Variants in ELAVL2 observed in about 807,000 individuals in gnomAD.
The protein encoded by ELAVL2 is ELAV-like protein 2.
In ELAVL2, 4 loss-of-function variants were observed where a neutral mutation model predicts 34.6. That is an observed-to-expected ratio of 0.12 (90% CI 0.06 to 0.26). The LOEUF is 0.26. Ranked by LOEUF, ELAVL2 falls within the 10% of genes least tolerant of loss-of-function variation. The pLI, the probability that ELAVL2 is intolerant of heterozygous loss-of-function variation, is 1.00. For missense variants in ELAVL2, 432 were observed against 442.8 expected (o/e 0.98, Z 0.22); for synonymous variants, 193 against 154.8 (o/e 1.25, Z -1.83).
At chr9:23,824,731 T>C (rs2065181460) in intron 1 of ELAVL2, among the ~76,000 whole-genome samples, 1 of 152,200 alleles carries the variant, frequency 6.6e-6, no homozygotes, top group Non-Finnish European at 1.5e-5. Flanking sequence ...TGATTTCTCC[T>C]AAACCCTGAG....
At position 23,701,614 on chromosome 9, in the gene ELAVL2, A is replaced by T. The variant is rs759659905; in HGVS notation, c.488-10T>A. 4 of 1,611,112 alleles carry T rather than the reference A, an allele frequency of 2.5e-6. No individual in the cohort carries two copies. In the South Asian group the frequency reaches 3.3e-5, roughly 13 times the overall value. On this transcript the variant is annotated splice_polypyrimidine_tract_variant and intron_variant, in intron 4 of 6. Coordinates refer to ENST00000397312, the MANE Select transcript of ELAVL2 (RefSeq NM_004432.5). ...ACACCCCTTGATATGCCTATGGTAG[A>T]TTTGAGTAAAGATTTGGAAAAGAGG...
intron 1 of ELAVL2, among the ~76,000 whole-genome samples, chr9:23,773,844 T>C (rs578107851): frequency 6.6e-6 from 1 of 152,194 alleles, no homozygotes; most frequent in Admixed American, 6.5e-5. Flanking sequence ...AACTCTAAGG[T>C]GCCAAGTGAA....
At chr9:23,720,259 G>A (rs746485288) in intron 3 of ELAVL2, among the ~76,000 whole-genome samples, 9 of 150,608 alleles carry the variant, frequency 6.0e-5, no homozygotes, top group Non-Finnish European at 7.4e-5. Context: ...AGCAACCTCC[G>A]CCTCCCAAGT....
chr9:23,759,673 A>C (rs1229033800), intron 2 of ELAVL2, among the ~76,000 whole-genome samples: 1 of 148,268 alleles, frequency 6.7e-6, no homozygotes, highest in Non-Finnish European at 1.5e-5. Flanking sequence ...AATTTGTTCA[A>C]TTATGTGTTA....
In ELAVL2 at chr9:23,693,706, T is replaced by C. The variant is rs199720157; in HGVS notation, c.714-220A>G. The stretch of plus-strand genomic sequence containing the variant: ...GTTTCTCTCTACAAGGGTCAGTACA[T>C]GGGACACAGTGACGGTCATCTGAGG... On this transcript the variant is annotated intron_variant, in intron 5 of 6. Transcript: ENST00000397312. Among the ~76,000 whole-genome samples, 33 of 152,282 alleles carry C rather than the reference T, an allele frequency of 2.2e-4. No individual in the cohort carries two copies. The East Asian group carries it at 6.0e-3, about 28-fold the overall frequency.
chr9:23,803,845 C>A (rs571091447), intron 1 of ELAVL2, among the ~76,000 whole-genome samples: 1 of 152,216 alleles, frequency 6.6e-6, no homozygotes, highest in South Asian at 2.1e-4. Context: ...TTGCAGCAGA[C>A]CTCACCAAAC....
chr9:23,792,195 G>T (rs530485140), intron 1 of ELAVL2, among the ~76,000 whole-genome samples: 1 of 152,334 alleles, frequency 6.6e-6, no homozygotes, highest in East Asian at 1.9e-4. Context: ...ATAGGCTAAT[G>T]CAAGTGTTCT....
intron 1 of ELAVL2, among the ~76,000 whole-genome samples, chr9:23,779,727 C>T (rs1429970385): frequency 6.6e-6 from 1 of 151,848 alleles, no homozygotes; most frequent in East Asian, 1.9e-4. Flanking sequence ...CTCCCAAAAT[C>T]CCCTGAACTT....
upstream of ELAVL2, among the ~76,000 whole-genome samples, chr9:23,831,157 C>T (rs775985924): frequency 1.2e-4 from 18 of 152,182 alleles, no homozygotes; most frequent in Non-Finnish European, 2.5e-4. Context: ...TTCCGATGCT[C>T]GGAGGCTCTT....
rs1041807106 is a variant in ELAVL2, at chr9:23,805,854, A to G, written c.-16+19952T>C. Among the ~76,000 whole-genome samples the G allele has an allele frequency of 5.3e-5, 8 of 152,174 alleles. No homozygotes were observed. The South Asian group carries it at 8.3e-4, about 16-fold the overall frequency. ...TTTCAGTCCAACCTTGAAGCAGCCAATATCTTTTCAATACAGCACACTTTG... is the reference window on the plus strand; with the variant it reads ...TTTCAGTCCAACCTTGAAGCAGCCAGTATCTTTTCAATACAGCACACTTTG... On this transcript the variant is annotated intron_variant, in intron 1 of 6. Transcript: ENST00000397312.
At chr9:23,809,558 C>T (rs1385102006) in intron 1 of ELAVL2, among the ~76,000 whole-genome samples, 1 of 152,134 alleles carries the variant, frequency 6.6e-6, no homozygotes, top group Non-Finnish European at 1.5e-5. Flanking sequence ...AGTAAGATTA[C>T]CTATCATTCA....
intron 5 of ELAVL2, among the ~76,000 whole-genome samples, chr9:23,696,179 A>G (rs2035121652): frequency 6.6e-6 from 1 of 151,934 alleles, no homozygotes; most frequent in African/African-American, 2.4e-5. Flanking sequence ...CATGGAACCT[A>G]GAAAACAGTG....
At chr9:23,704,411 A>G (rs2038611197) in intron 4 of ELAVL2, among the ~76,000 whole-genome samples, 1 of 152,176 alleles carries the variant, frequency 6.6e-6, no homozygotes, top group Admixed American at 6.5e-5. Flanking sequence ...TATTAGGAAT[A>G]AAATAAATTT....
At chr9:23,815,676 C>T (rs2063607673) in intron 1 of ELAVL2, among the ~76,000 whole-genome samples, 1 of 151,998 alleles carries the variant, frequency 6.6e-6, no homozygotes, top group Non-Finnish European at 1.5e-5. Context: ...GGTTAAGAAA[C>T]CAAGGATATA....
intron 1 of ELAVL2, among the ~76,000 whole-genome samples, chr9:23,799,164 T>A (rs555559670): frequency 1.3e-5 from 2 of 152,046 alleles, no homozygotes; most frequent in South Asian, 2.1e-4. Context: ...CTTTTTAAAA[T>A]TTTTTTCCAT....
In ELAVL2 at chr9:23,692,421, T is replaced by C; in HGVS notation, c.*136A>G. Reference sequence around the variant, plus strand: ...CTAGCAATAAAAAATCTCACATATTTCTTAGGATGCTAAGTAGTCATTTTA... The same window carrying C: ...CTAGCAATAAAAAATCTCACATATTCCTTAGGATGCTAAGTAGTCATTTTA... On this transcript the variant is annotated 3_prime_UTR_variant, in exon 7 of 7. Coordinates refer to ENST00000397312, the MANE Select transcript of ELAVL2 (RefSeq NM_004432.5). 2 of 874,560 alleles carry C rather than the reference T, an allele frequency of 2.3e-6. No individual in the cohort carries two copies. Among genetic ancestry groups the C allele is most frequent in the South Asian group, 4.2e-5 (2 of 48,178 alleles). The allele number at this position is 874,560 out of a possible 1,614,324, so 54.2% of individuals were successfully genotyped here.
chr9:23,849,900 C>G, the ELAVL2 span: 3 of 152,058 alleles, frequency 2.0e-5, no homozygotes, highest in Non-Finnish European at 4.4e-5. Context: ...TTTAAAAGTT[C>G]ACTTACCACG....
chr9:23,743,642 C>T (rs536713268), intron 2 of ELAVL2, among the ~76,000 whole-genome samples: 1 of 152,302 alleles, frequency 6.6e-6, no homozygotes, highest in African/African-American at 2.4e-5. Context: ...ATTCTGGATA[C>T]ATCTTTCCTA....
chr9:23,777,664 T>C (rs1321231887), intron 1 of ELAVL2, among the ~76,000 whole-genome samples: 1 of 152,066 alleles, frequency 6.6e-6, no homozygotes, highest in Non-Finnish European at 1.5e-5. Context: ...GCAAGAACGG[T>C]AAATTAAAAC....
Sources: gnomAD v4.1 joint callset for allele counts (sites outside exome capture counted in the v4.1 genomes callset) on GRCh38, gnomAD v4.1.1 for gene constraint, MANE v1.5 for transcripts, NCBI Gene and HGNC (gene_info 2026-07-23, HGNC 2026-07-21) for gene names.